Variants in MAGI3 observed in about 807,000 individuals in gnomAD.
The protein encoded by MAGI3 is membrane associated guanylate kinase, WW and PDZ domain containing 3, also known as membrane-associated guanylate kinase, WW and PDZ domain-containing protein 3.
In MAGI3, 43 loss-of-function variants were observed where a neutral mutation model predicts 121.8. The observed-to-expected ratio is 0.35, with a 90% CI of 0.28 to 0.46. The LOEUF is 0.46. MAGI3 is among the 20% of genes least tolerant of loss of function. The pLI, the probability that MAGI3 is intolerant of heterozygous loss-of-function variation, is 1.00. For missense variants in MAGI3, 1,547 were observed against 1,797.3 expected (o/e 0.86, Z 2.52); for synonymous variants, 553 against 639.3 (o/e 0.86, Z 2.04).
intron 1 of MAGI3, among the ~76,000 whole-genome samples, chr1:113,544,451 A>G (rs1295061426): frequency 1.3e-5 from 2 of 152,234 alleles, no homozygotes; most frequent in Admixed American, 6.5e-5. Flanking sequence ...GATATTTGCA[A>G]GATTATAGCA....
At chr1:113,483,032 C>T (rs1354766944) in intron 1 of MAGI3, among the ~76,000 whole-genome samples, 1 of 152,030 alleles carries the variant, frequency 6.6e-6, no homozygotes, top group Non-Finnish European at 1.5e-5. Context: ...TGTTTTCGAA[C>T]TTCTGAGCTC....
At chr1:113,508,906 A>G (rs373401974) in intron 1 of MAGI3, among the ~76,000 whole-genome samples, 129 of 152,308 alleles carry the variant, frequency 8.5e-4, no homozygotes, top group African/African-American at 2.9e-3. Flanking sequence ...TTATGCATAA[A>G]TTATCTGGAG....
intron 1 of MAGI3, among the ~76,000 whole-genome samples, chr1:113,424,551 A>G (rs549309401): frequency 2.0e-5 from 3 of 152,148 alleles, no homozygotes; most frequent in African/African-American, 7.2e-5. Flanking sequence ...TGTTATCTCA[A>G]TGGAATTATG....
chr1:113,456,339 A>G (rs947272084), intron 1 of MAGI3, among the ~76,000 whole-genome samples: 3 of 152,036 alleles, frequency 2.0e-5, no homozygotes, highest in Non-Finnish European at 4.4e-5. Flanking sequence ...AAAACAACCT[A>G]AGTTGTTTCA....
chr1:113,455,708 A>G (rs1247023313), intron 1 of MAGI3, among the ~76,000 whole-genome samples: 2 of 152,068 alleles, frequency 1.3e-5, no homozygotes, highest in African/African-American at 2.4e-5. Flanking sequence ...TTCACAGACT[A>G]GGTTTGGGTC....
intron 1 of MAGI3, among the ~76,000 whole-genome samples, chr1:113,443,946 A>G (rs1424815720): frequency 6.6e-6 from 1 of 152,218 alleles, no homozygotes; most frequent in African/African-American, 2.4e-5. Flanking sequence ...GATTTTGGTA[A>G]GACGGAGTGG....
rs955665062 is a variant in MAGI3 at position 113,596,137 on chromosome 1, A to G, written c.1018+1577A>G. The stretch of plus-strand genomic sequence containing the variant: ...AAGACAAAGTTGGAAGACATAGGGT[A>G]CCAGATCTGAAGACTTATTTTAGAG... On this transcript the variant is annotated intron_variant, in intron 6 of 20. Transcript: ENST00000307546. Among the ~76,000 whole-genome samples, 4 of 152,282 alleles carry G rather than the reference A, an allele frequency of 2.6e-5. No homozygotes were observed. The East Asian group carries it at 5.8e-4, about 22-fold the overall frequency.
At chr1:113,450,141 T>C in intron 1 of MAGI3, 1 of 1,483,312 alleles carries the variant, frequency 6.7e-7, no homozygotes, top group Non-Finnish European at 9.3e-7. Context: ...GAGGATTTGC[T>C]TTTGTAACTT....
chr1:113,641,849 C>T lies in MAGI3; in HGVS notation c.1361-62C>T. The T allele has an allele frequency of 2.0e-6, 3 of 1,468,548 alleles. No homozygotes were observed. In the East Asian group the frequency reaches 7.0e-5, roughly 34 times the overall value. The allele number at this position is 1,468,548 out of a possible 1,614,324, so 91.0% of individuals were successfully genotyped here. On this transcript the variant is annotated intron_variant, in intron 9 of 20. Coordinates refer to ENST00000307546, the MANE Select transcript of MAGI3 (RefSeq NM_001142782.2). ...CTAAATTGTAGTTATTTTTGCCCCT[C>T]TAGCAAAAAAATTAACTTATTTGTT...
At chr1:113,667,356 C>G (rs1355951120) in intron 16 of MAGI3, among the ~76,000 whole-genome samples, 5 of 152,240 alleles carry the variant, frequency 3.3e-5, no homozygotes, top group Non-Finnish European at 7.3e-5. Context: ...TGTATCAGCA[C>G]TTGCTGCTTC....
intron 2 of MAGI3, among the ~76,000 whole-genome samples, chr1:113,576,477 G>T (rs753495095): frequency 1.3e-5 from 2 of 152,134 alleles, no homozygotes; most frequent in Admixed American, 6.5e-5. Context: ...CTCACCCTCC[G>T]CGAGCTGCAC....
At position 113,488,125 on chromosome 1, in the gene MAGI3, T is replaced by A. The variant is rs547055025; in HGVS notation, c.317-61390T>A. Among the ~76,000 whole-genome samples the A allele has an allele frequency of 5.3e-5, 8 of 152,342 alleles. No individual in the cohort carries two copies. In the South Asian group the frequency reaches 1.7e-3, roughly 32 times the overall value. On this transcript the variant is annotated intron_variant, in intron 1 of 20. Transcript: ENST00000307546. ...TACTACTATTTTAACTTACCGTTAT[T>A]AAATTATTTACGCTTTTCATTACAT...
intron 1 of MAGI3, among the ~76,000 whole-genome samples, chr1:113,462,954 A>T (rs1655104970): frequency 6.6e-6 from 1 of 152,194 alleles, no homozygotes; most frequent in Non-Finnish European, 1.5e-5. Flanking sequence ...AGATTTATGA[A>T]AGAGTCCAAT....
chr1:113,683,854 GGAAA>G lies in MAGI3; in HGVS notation c.4290_4293del (p.Lys1430AsnfsTer2). 6.2e-7 allele frequency: 1 copy of G among 1,612,542 alleles called. No homozygotes were observed. The highest frequency in any genetic ancestry group is 8.5e-7 in the Non-Finnish European group (1 of 1,179,334). On this transcript the variant is annotated frameshift_variant, in exon 21 of 21. Coordinates refer to ENST00000307546, the MANE Select transcript of MAGI3 (RefSeq NM_001142782.2). LOFTEE classifies it low-confidence loss of function (END_TRUNC). ...TCAAACAAAACAGAAGATCACAAAG[GGAAA>G]GAACTAGAGGCAGCTGACAAAAACA...
chr1:113,552,266 G>C (rs1019415848), intron 2 of MAGI3, among the ~76,000 whole-genome samples: 71 of 152,212 alleles, frequency 4.7e-4, no homozygotes, highest in Middle Eastern at 6.8e-3. Flanking sequence ...TCCCAGCAAA[G>C]GCTCACAGGA....
Position 113,651,065 on chromosome 1 carries a change from C to T in MAGI3, c.2299C>T (p.Leu767Phe). ...GGGAGCAGCTGAGAAAGATGGTCGG[C>T]TCCGCGCAGCTGATGAACTAATGTG... ...PLGAAEKDGR[L>F]RAADELMCID... The change falls in exon 14 of 21, where the codon CTC (leucine) becomes TTC (phenylalanine). Residue 767 changes from leucine (L) to phenylalanine (F), a missense_variant. Leu to Phe is a conservative substitution (Grantham distance 22). Coordinates refer to ENST00000307546, the MANE Select transcript of MAGI3 (RefSeq NM_001142782.2). 1.2e-6 allele frequency: 2 copies of T among 1,614,116 alleles called. No homozygotes were observed. Among genetic ancestry groups the T allele is most frequent in the Admixed American group, 1.7e-5 (1 of 60,002 alleles).
intron 2 of MAGI3, among the ~76,000 whole-genome samples, chr1:113,554,404 C>T (rs1044329632): frequency 6.6e-6 from 1 of 150,810 alleles, no homozygotes; most frequent in African/African-American, 2.4e-5. Context: ...GCAATATAAA[C>T]TAATGAAACT....
intron 1 of MAGI3, among the ~76,000 whole-genome samples, chr1:113,398,058 A>G (rs1651211191): frequency 6.6e-6 from 1 of 152,182 alleles, no homozygotes; most frequent in Non-Finnish European, 1.5e-5. Flanking sequence ...ATCCTGATGC[A>G]GCCACTCAGC....
At chr1:113,536,253 C>T (rs1184483442) in intron 1 of MAGI3, among the ~76,000 whole-genome samples, 1 of 151,486 alleles carries the variant, frequency 6.6e-6, no homozygotes, top group African/African-American at 2.4e-5. Context: ...TGTATTTAAA[C>T]TCACAATTTA....
Sources: allele counts gnomAD v4.1 joint callset (sites outside exome capture counted in the v4.1 genomes callset), GRCh38; gene constraint gnomAD v4.1.1; transcripts MANE v1.5; gene names NCBI Gene and HGNC (gene_info 2026-07-23, HGNC 2026-07-21).